The following NFATC3 variants were observed in gnomAD, a reference collection of about 807,000 sequenced individuals.
NFATC3 encodes nuclear factor of activated T cells 3.
Under a neutral mutation model 98.6 loss-of-function variants are expected in NFATC3, and 46 were observed. That is an observed-to-expected ratio of 0.47 (90% CI 0.37 to 0.60). The LOEUF (loss-of-function observed/expected upper bound fraction) is 0.60. NFATC3 is among the 20% of genes least tolerant of loss of function. NFATC3 has a pLI of 0.00. For synonymous variants in NFATC3, 512 were observed against 472.2 expected, an observed-to-expected ratio of 1.08 and a Z score of -1.09; for missense variants, 1,256 against 1,295.5, an observed-to-expected ratio of 0.97 and a Z score of 0.47.
rs2041258949 is a variant in NFATC3 at position 68,208,870 on chromosome 16, T to G, written c.3106+17095T>G. 3.9e-5 allele frequency among the ~76,000 whole-genome samples: 6 copies of G among 152,228 alleles called. No individual in the cohort carries two copies. The South Asian group carries it at 1.2e-3, about 31-fold the overall frequency. On this transcript the variant is annotated intron_variant, in intron 9 of 9. Transcript: ENST00000346183. ...TGACTTTATTTGTTAGTGCTAACAT[T>G]TTTTTGTCTGTGTGGATTCTTTAGA...
chr16:68,152,561 A>G (rs1334946176), intron 3 of NFATC3, among the ~76,000 whole-genome samples: 1 of 152,002 alleles, frequency 6.6e-6, no homozygotes, highest in Admixed American at 6.6e-5. Flanking sequence ...CCCAGGCTGG[A>G]GTGTAGTCGT....
At chr16:68,183,164 A>T in intron 7 of NFATC3, 76 bp from the exon 8 acceptor site, 3 of 1,457,704 alleles carry the variant, frequency 2.1e-6, no homozygotes, top group Non-Finnish European at 2.8e-6. Flanking sequence ...GTTAAGACTC[A>T]TGAGTTGTGA....
intron 8 of NFATC3, among the ~76,000 whole-genome samples, chr16:68,184,820 A>G (rs1011753994): frequency 1.4e-5 from 2 of 145,326 alleles, no homozygotes; most frequent in Admixed American, 1.4e-4. Flanking sequence ...CAAACAAACA[A>G]ACAAACAAAC....
At chr16:68,199,435 AG>A (rs1036563891) in intron 9 of NFATC3, among the ~76,000 whole-genome samples, 40 of 148,880 alleles carry the variant, frequency 2.7e-4, no homozygotes, top group African/African-American at 9.2e-4. Context: ...TGTGTTAGCC[AG>A]GATGGTCTCG....
chr16:68,104,653 G>GTTTTTTTTTTTTTTTTTTTTTT lies in NFATC3; in HGVS notation c.104-17318_104-17317insTTTTTTTTTTTTTTTTTTTTTT, dbSNP rs778016298. 3.7e-3 allele frequency among the ~76,000 whole-genome samples: 473 copies of GTTTTTTTTTTTTTTTTTTTTTT among 126,612 alleles called. 14 individuals carry two copies. The highest frequency in any genetic ancestry group is 8.8e-3 in the Middle Eastern group (2 of 228). The allele number at this position is 126,612 out of a possible 152,430, so 83.1% of individuals were successfully genotyped here. ...GTTAGCTGTGGGCTTTTCACAAATGGTTTTTTTTTTTTTTTTGAAATGGAG... is the reference window on the plus strand; with the variant it reads ...GTTAGCTGTGGGCTTTTCACAAATGGTTTTTTTTTTTTTTTTTTTTTTTTTTTTTTTTTTTTTTGAAATGGAG... On this transcript the variant is annotated intron_variant, in intron 1 of 9. Coordinates refer to ENST00000346183, the MANE Select transcript of NFATC3 (RefSeq NM_173165.3).
intron 3 of NFATC3, among the ~76,000 whole-genome samples, chr16:68,134,986 T>G (rs2037312749): frequency 6.6e-6 from 1 of 152,114 alleles, no homozygotes; most frequent in Non-Finnish European, 1.5e-5. Context: ...ACAGTCTCTT[T>G]TTTTTTTATC....
chr16:68,228,809 C>G lies in NFATC3; in HGVS notation c.*2338C>G, dbSNP rs1021451437. 6.6e-6 allele frequency: 1 copy of G among 152,406 alleles called. No homozygotes were observed. The highest frequency in any genetic ancestry group is 2.4e-5 in the African/African-American group (1 of 41,456). The allele number at this position is 152,406 out of a possible 1,614,324, so 9.4% of individuals were successfully genotyped here. A position where few individuals can be genotyped will look rare whatever the true frequency, so the allele number is the denominator to read the frequency against. ...CCCTCCTACTCTAACTGTGCTAGCT[C>G]TTGGGTTGAGGAATGGAATGGGTAG... On this transcript the variant is annotated 3_prime_UTR_variant, in exon 10 of 10. Coordinates refer to ENST00000346183, the MANE Select transcript of NFATC3 (RefSeq NM_173165.3).
rs1261071712 is a variant in NFATC3 at position 68,163,312 on chromosome 16, G to A, written c.1602-3531G>A. ...GGGCTCCTCACTTCCCAGTAGGGGC[G>A]GCCGGGCAGAGGCGCCCCTCACCTC... On this transcript the variant is annotated intron_variant, in intron 4 of 9. Coordinates refer to ENST00000346183, the MANE Select transcript of NFATC3 (RefSeq NM_173165.3). 2.7e-4 allele frequency among the ~76,000 whole-genome samples: 41 copies of A among 151,764 alleles called. 1 individual carries two copies. Among genetic ancestry groups the A allele is most frequent in the African/African-American group, 8.7e-4 (36 of 41,414 alleles).
chr16:68,141,426 C>A (rs2037747444), intron 3 of NFATC3, among the ~76,000 whole-genome samples: 1 of 152,196 alleles, frequency 6.6e-6, no homozygotes, highest in Non-Finnish European at 1.5e-5. Context: ...ACATTCCCAT[C>A]AGCAGTGGAC....
chr16:68,196,356 G>A (rs1254263996), intron 9 of NFATC3, among the ~76,000 whole-genome samples: 1 of 152,028 alleles, frequency 6.6e-6, no homozygotes, highest in Non-Finnish European at 1.5e-5. Context: ...CCTGACCTCA[G>A]GTGATCTGCC....
chr16:68,092,768 T>A (rs1011862613), intron 1 of NFATC3, among the ~76,000 whole-genome samples: 2 of 152,214 alleles, frequency 1.3e-5, no homozygotes, highest in African/African-American at 4.8e-5. Flanking sequence ...TTGTTCTTAT[T>A]ATTCAAACCA....
At chr16:68,132,599 A>G (rs1432492615) in intron 3 of NFATC3, among the ~76,000 whole-genome samples, 1 of 152,218 alleles carries the variant, frequency 6.6e-6, no homozygotes, top group African/African-American at 2.4e-5. Flanking sequence ...ACAGTAGCCA[A>G]GATATGGAAT....
intron 5 of NFATC3, among the ~76,000 whole-genome samples, chr16:68,169,075 A>G (rs2039345124): frequency 6.6e-6 from 1 of 152,154 alleles, no homozygotes; most frequent in South Asian, 2.1e-4. Context: ...ATGAGCTACC[A>G]CATTCAGCCT....
chr16:68,178,553 A>C (rs1035511115), intron 6 of NFATC3, among the ~76,000 whole-genome samples: 3 of 152,214 alleles, frequency 2.0e-5, no homozygotes, highest in Non-Finnish European at 4.4e-5. Context: ...TGGGGGAAGC[A>C]CCTATAAACA....
chr16:68,135,393 G>A (rs2151527663), intron 3 of NFATC3, among the ~76,000 whole-genome samples: 1 of 146,972 alleles, frequency 6.8e-6, no homozygotes, highest in East Asian at 2.0e-4. Flanking sequence ...GGGAGGCAGA[G>A]CTTGCAGTGA....
rs146984462 is a variant in NFATC3, at chr16:68,166,213, T to C, written c.1602-630T>C. Among the ~76,000 whole-genome samples, 36 of 152,386 alleles carry C rather than the reference T, an allele frequency of 2.4e-4. No individual in the cohort carries two copies. The East Asian group carries it at 6.7e-3, about 29-fold the overall frequency. On this transcript the variant is annotated intron_variant, in intron 4 of 9. Coordinates refer to ENST00000346183, the MANE Select transcript of NFATC3 (RefSeq NM_173165.3). ...AACACTCCAAAAATTTAATGGCTTA[T>C]AGTTATCACTCTATTATTTTGCATG...
chr16:68,153,948 ACT>A (rs1233662429), intron 3 of NFATC3, among the ~76,000 whole-genome samples: 3 of 151,256 alleles, frequency 2.0e-5, no homozygotes, highest in African/African-American at 7.3e-5. Context: ...AAGGTCTCAC[ACT>A]CTGTCACCCA....
At chr16:68,155,906 A>G (rs1467582713) in intron 3 of NFATC3, among the ~76,000 whole-genome samples, 1 of 152,182 alleles carries the variant, frequency 6.6e-6, no homozygotes, top group African/African-American at 2.4e-5. Flanking sequence ...AGATATTGGA[A>G]AGATACTTTA....
At position 68,183,220 on chromosome 16, in the gene NFATC3, A is replaced by G. The variant is rs1197143425; in HGVS notation, c.1972-20A>G. The G allele has an allele frequency of 3.2e-6, 5 of 1,561,800 alleles. No homozygotes were observed. In the Admixed American group the frequency reaches 8.2e-5, roughly 26 times the overall value. The stretch of plus-strand genomic sequence containing the variant: ...CATTTTTAGTTCTGAGTGTAACACA[A>G]TCTTGCTTTCCATCCTTAGGCTCAC... On this transcript the variant is annotated intron_variant, in intron 7 of 9. Transcript: ENST00000346183.
Sources: allele counts gnomAD v4.1 joint callset (sites outside exome capture counted in the v4.1 genomes callset), GRCh38; gene constraint gnomAD v4.1.1; transcripts MANE v1.5; gene names NCBI Gene and HGNC (gene_info 2026-07-23, HGNC 2026-07-21).